Variants in MEAF6 observed in about 807,000 individuals in gnomAD.
MEAF6 encodes MYST/Esa1 associated factor 6, also known as chromatin modification-related protein MEAF6.
MEAF6 carries 15 observed loss-of-function variants against 28.9 expected under a neutral mutation model. The observed-to-expected ratio is 0.52, with a 90% confidence interval of 0.35 to 0.80. The LOEUF is 0.80. MEAF6 is among the 30% of genes least tolerant of loss of function. The pLI, the probability that MEAF6 is intolerant of heterozygous loss-of-function variation, is 0.01. For missense variants in MEAF6, 178 were observed against 237.5 expected (o/e 0.75, Z 1.65); for synonymous variants, 97 against 88.7 (o/e 1.09, Z -0.53).
chr1:37,493,490 C>G lies in MEAF6; in HGVS notation c.*609G>C, dbSNP rs1166205151. On this transcript the variant is annotated 3_prime_UTR_variant, in exon 7 of 7. Coordinates refer to ENST00000296214, the MANE Select transcript of MEAF6 (RefSeq NM_001270875.3). ...TACCTCCCCTTGCAAAAAACAGAGG[C>G]AAGTTTCCCATTTTACTTATGATAA... 2.3e-6 allele frequency: 1 copy of G among 441,704 alleles called. No homozygotes were observed. Among genetic ancestry groups the G allele is most frequent in the Non-Finnish European group, 4.0e-6 (1 of 252,098 alleles). The allele number at this position is 441,704 out of a possible 1,614,324, so 27.4% of individuals were successfully genotyped here. A position where few individuals can be genotyped will look rare whatever the true frequency, so the allele number is the denominator to read the frequency against.
chr1:37,503,041 C>G (rs778232306), intron 4 of MEAF6, among the ~76,000 whole-genome samples: 4 of 152,152 alleles, frequency 2.6e-5, no homozygotes, highest in African/African-American at 4.8e-5. Flanking sequence ...CTCCTGGGTT[C>G]AAATTATCCT....
intron 2 of MEAF6, among the ~76,000 whole-genome samples, chr1:37,511,181 G>A (rs1642657748): frequency 6.6e-6 from 1 of 152,196 alleles, no homozygotes; most frequent in Non-Finnish European, 1.5e-5. Context: ...CAAAAGGTAA[G>A]TATGGGACAT....
rs115342111 is a variant in MEAF6 at position 37,502,380 on chromosome 1, G to A, written c.341-384C>T. ...CATGAGATACTGTGCCTGATCTATA[G>A]TCTTAAAAATATATATGTTTACACA... On this transcript the variant is annotated intron_variant, in intron 4 of 6. Transcript: ENST00000296214. Among the ~76,000 whole-genome samples, 994 of 151,782 alleles carry A rather than the reference G, an allele frequency of 6.5e-3. 6 individuals are homozygous for A. Among genetic ancestry groups the A allele is most frequent in the African/African-American group, 0.023 (945 of 41,366 alleles).
chr1:37,502,615 C>CTTT (rs35429238), intron 4 of MEAF6, among the ~76,000 whole-genome samples: 5 of 109,648 alleles, frequency 4.6e-5, no homozygotes, highest in South Asian at 6.0e-4. Context: ...CCTCGTAAGT[C>CTTT]TTTTTTTTTT....
At chr1:37,513,652 C>T in intron 1 of MEAF6, 114 bp from the exon 2 acceptor site, 1 of 816,196 alleles carries the variant, frequency 1.2e-6, no homozygotes. Context: ...CCACACTAAA[C>T]CACCCTGTGG....
At chr1:37,497,227 GGTTTGTTTGTTT>G (rs144815094) in intron 5 of MEAF6, among the ~76,000 whole-genome samples, 12 of 151,576 alleles carry the variant, frequency 7.9e-5, no homozygotes, top group South Asian at 2.1e-4. Flanking sequence ...AAGTTATATG[GGTTTGTTTGTTT>G]GTTTGTTTGT....
chr1:37,495,907 T>C lies in MEAF6; in HGVS notation c.545A>G (p.Lys182Arg). ...KNKNRHRIDL[K>R]LNKKPRADY ...TACAGCTCGTGGTTTTTTGTTTAAC[T>C]TCAGATCAATCCTGTGACAGAAAAG... The change falls in exon 6 of 7, where the codon AAG becomes AGG. Residue 182 changes from lysine (K) to arginine (R), a missense_variant. Lys to Arg is a conservative substitution (Grantham distance 26). Around this residue, in one of 2 missense-constraint regions of MEAF6, gnomAD observed 124 missense variants for 200.5 expected, o/e 0.62. Transcript: ENST00000296214. The C allele has an allele frequency of 2.5e-6, 4 of 1,613,974 alleles. No homozygotes were observed. The South Asian group carries it at 4.4e-5, about 18-fold the overall frequency.
chr1:37,513,570 A>T, intron 1 of MEAF6, 32 bp from the exon 2 acceptor site: 1 of 1,506,136 alleles, frequency 6.6e-7, no homozygotes, highest in Non-Finnish European at 9.2e-7. Flanking sequence ...CATGAATGAT[A>T]CCTTTTAAAT....
chr1:37,501,029 A>C (rs960411691), intron 5 of MEAF6: 1 of 154,174 alleles, frequency 6.5e-6, no homozygotes, highest in Non-Finnish European at 1.5e-5. Flanking sequence ...TAGAAACCGG[A>C]CATTATACTC....
intron 5 of MEAF6, chr1:37,496,638 G>T: frequency 6.5e-7 from 1 of 1,549,904 alleles, no homozygotes; most frequent in Non-Finnish European, 8.8e-7. Context: ...GGGTTAGAAA[G>T]GTCTCAAAAA....
At chr1:37,509,782 T>G (rs1642605003) in intron 2 of MEAF6, among the ~76,000 whole-genome samples, 1 of 152,104 alleles carries the variant, frequency 6.6e-6, no homozygotes. Flanking sequence ...ATTTACTTAT[T>G]TATTTATTTA....
At chr1:37,513,636 G>C in intron 1 of MEAF6, 98 bp from the exon 2 acceptor site, 2 of 981,248 alleles carry the variant, frequency 2.0e-6, no homozygotes, top group African/African-American at 1.6e-5. Context: ...GTAAACGCAA[G>C]CTTGCCCACA....
chr1:37,504,543 A>G (rs1356452709), intron 4 of MEAF6, among the ~76,000 whole-genome samples: 1 of 151,898 alleles, frequency 6.6e-6, no homozygotes, highest in Admixed American at 6.6e-5. Flanking sequence ...AGCCGACACA[A>G]GTGGATCATC....
In MEAF6 at chr1:37,491,065, G is replaced by C. The variant is rs1359908743; in HGVS notation, c.*3034C>G. 1.3e-5 allele frequency among the ~76,000 whole-genome samples: 2 copies of C among 152,138 alleles called. No individual in the cohort carries two copies. The highest frequency in any genetic ancestry group is 4.8e-5 in the African/African-American group (2 of 41,434). On this transcript the variant is annotated 3_prime_UTR_variant, in exon 7 of 7. Coordinates refer to ENST00000296214, the MANE Select transcript of MEAF6 (RefSeq NM_001270875.3). ...AATAAAATAATGCCTCATTAATTTG[G>C]AGTAAGGTTGGGGGGCATAGAAGAC... is the stretch of plus-strand genomic sequence containing the variant.
chr1:37,506,204 G>T (rs562021242), intron 4 of MEAF6, among the ~76,000 whole-genome samples: 13 of 152,048 alleles, frequency 8.5e-5, no homozygotes, highest in African/African-American at 1.7e-4. Context: ...CCAGGAGGTG[G>T]AGGTTGTGGT....
chr1:37,509,168 G>A (rs1232146053), intron 4 of MEAF6, 110 bp downstream of exon 4: 5 of 1,002,888 alleles, frequency 5.0e-6, no homozygotes, highest in South Asian at 4.2e-5. Flanking sequence ...AGAGGGAAAA[G>A]GGAAGAGCAT....
chr1:37,508,838 T>C (rs1157504121), intron 4 of MEAF6, among the ~76,000 whole-genome samples: 2 of 152,208 alleles, frequency 1.3e-5, no homozygotes, highest in African/African-American at 2.4e-5. Flanking sequence ...GGCTCACACC[T>C]CTACTCCCAA....
chr1:37,503,147 G>A (rs1005900271), intron 4 of MEAF6, among the ~76,000 whole-genome samples: 2 of 151,840 alleles, frequency 1.3e-5, no homozygotes, highest in Non-Finnish European at 2.9e-5. Context: ...ATGTTGCCCA[G>A]GCTGGTCTCA....
At chr1:37,508,548 G>A (rs1401632813) in intron 4 of MEAF6, among the ~76,000 whole-genome samples, 1 of 152,062 alleles carries the variant, frequency 6.6e-6, no homozygotes, top group African/African-American at 2.4e-5. Flanking sequence ...CCATTCCAAA[G>A]TGCAGGGATT....
Sources: allele counts gnomAD v4.1 joint callset (sites outside exome capture counted in the v4.1 genomes callset), GRCh38; gene constraint gnomAD v4.1.1; regional missense constraint gnomAD v4.1.1; transcripts MANE v1.5; gene names NCBI Gene and HGNC (gene_info 2026-07-23, HGNC 2026-07-21).